Variants in PIGQ observed in about 807,000 individuals in gnomAD.
PIGQ encodes phosphatidylinositol glycan anchor biosynthesis class Q, also known as phosphatidylinositol N-acetylglucosaminyltransferase subunit Q.
In PIGQ, 54 loss-of-function variants were observed where a neutral mutation model predicts 60.3. That is an observed-to-expected ratio of 0.90 (90% confidence interval 0.72 to 1.12). PIGQ has a LOEUF of 1.12. Ranked by LOEUF, PIGQ falls within the 50% of genes most tolerant of loss-of-function variation. The pLI is 0.00. For synonymous variants in PIGQ, 416 were observed against 363.7 expected (o/e 1.14, Z -1.64); for missense variants, 799 against 793.5 (o/e 1.01, Z -0.08).
Position 577,564 on chromosome 16 carries a change from A to G in PIGQ, c.943-815A>G, listed in dbSNP as rs561401343. 3.0e-3 allele frequency among the ~76,000 whole-genome samples: 455 copies of G among 149,652 alleles called. 3 individuals are homozygous for G. Among genetic ancestry groups the G allele is most frequent in the African/African-American group, 9.8e-3 (398 of 40,570 alleles). On this transcript the variant is annotated intron_variant, in intron 4 of 10. Transcript: ENST00000321878. Reference sequence around the variant, plus strand: ...TGCACTCCAGCCTGGGCGACAAAACAAGACTCCGTCTCAGAAAAAAAAAAA... The same window carrying G: ...TGCACTCCAGCCTGGGCGACAAAACGAGACTCCGTCTCAGAAAAAAAAAAA...
intron 4 of PIGQ, among the ~76,000 whole-genome samples, chr16:577,717 G>A (rs1298163076): frequency 6.6e-6 from 1 of 152,240 alleles, no homozygotes; most frequent in Non-Finnish European, 1.5e-5. Context: ...TTAGTGGGGA[G>A]GCTGAGGCTC....
intron 4 of PIGQ, chr16:577,270 CTATT>C (rs775285959): frequency 6.6e-6 from 1 of 152,210 alleles, no homozygotes; most frequent in Non-Finnish European, 1.5e-5. Flanking sequence ...TAAATAAGCT[CTATT>C]TATAAAGAAT....
chr16:572,529 C>T, intron 1 of PIGQ: 1 of 456,140 alleles, frequency 2.2e-6, no homozygotes, highest in Non-Finnish European at 4.4e-6. Flanking sequence ...GTCACACCAC[C>T]CCGACGTGTG....
Position 576,199 on chromosome 16 carries a change from T to G in PIGQ, c.887T>G (p.Leu296Arg), listed in dbSNP as rs1250598989. Residue 296 changes from leucine (L) to arginine (R), a missense_variant, in exon 4 of 11, where the codon CTC (leucine) becomes CGC (arginine). Physicochemically the swap from Leu to Arg is moderately radical, Grantham distance 102 (BLOSUM62 -2). Transcript: ENST00000321878. ...CTGGGCCTCATGCTGCTGTCCTGGCTCCACGGGAGAAGCCGCATCGGGCAT... is the reference window on the plus strand; with the variant it reads ...CTGGGCCTCATGCTGCTGTCCTGGCGCCACGGGAGAAGCCGCATCGGGCAT... ...VALGLMLLSWLHGRSRIGHLA... is the reference protein window; with the variant it reads ...VALGLMLLSWRHGRSRIGHLA... 2 of 1,550,274 alleles carry G rather than the reference T, an allele frequency of 1.3e-6. No individual in the cohort carries two copies. The highest frequency in any genetic ancestry group is 1.7e-6 in the Non-Finnish European group (2 of 1,147,106).
At chr16:573,016 T>C (rs1428582956) in intron 1 of PIGQ, among the ~76,000 whole-genome samples, 1 of 152,202 alleles carries the variant, frequency 6.6e-6, no homozygotes, top group Non-Finnish European at 1.5e-5. Flanking sequence ...AGCCGGCCAG[T>C]AGTGCCCCCA....
chr16:578,894 C>A lies in PIGQ; in HGVS notation c.1179C>A (p.Ala393=). ...TGTCCCTCCTCTCGGACATTATCGCCCTCCTCACCTTCCACATCTACTGCT... is the reference window on the plus strand; with the variant it reads ...TGTCCCTCCTCTCGGACATTATCGCACTCCTCACCTTCCACATCTACTGCT... The part of the protein sequence containing the change: ...VALSLLSDII[A]LLTFHIYCFY... The change falls in exon 6 of 11, where the codon GCC becomes GCA. Residue 393 remains alanine (A), a synonymous_variant. Coordinates refer to ENST00000321878, the MANE Select transcript of PIGQ (RefSeq NM_004204.5). 3 of 1,613,634 alleles carry A rather than the reference C, an allele frequency of 1.9e-6. No homozygotes were observed. The highest frequency in any genetic ancestry group is 2.5e-6 in the Non-Finnish European group (3 of 1,179,966).
rs59476302 is a variant in PIGQ, at chr16:579,006, C to T, written c.1224-63C>T. 706,280 of 1,329,268 alleles carry T rather than the reference C, an allele frequency of 0.53. 163,711 individuals carry two copies. The highest frequency in any genetic ancestry group is 0.73 in the East Asian group (29,118 of 39,784). 82.3% of individuals were successfully genotyped at this position (1,329,268 alleles called of 1,614,324 possible). A position where few individuals can be genotyped will look rare whatever the true frequency, so the allele number is the denominator to read the frequency against. On this transcript the variant is annotated intron_variant, in intron 6 of 10. Transcript: ENST00000321878. ...CAGAGGCTCCGGCTGGGCGGGCGTT[C>T]GAGTGGGGCGGGGGCGGGGCGGGGC...
In PIGQ at chr16:578,945, G is replaced by C. The variant is rs202222590; in HGVS notation, c.1223+7G>C. 6.2e-7 allele frequency: 1 copy of C among 1,608,512 alleles called. No individual in the cohort carries two copies. ...TTTACGTCTATGGAGCCAGGTGGGCGTGGGCTTCCCCCTCCCCACCGCCCC... is the reference window on the plus strand; with the variant it reads ...TTTACGTCTATGGAGCCAGGTGGGCCTGGGCTTCCCCCTCCCCACCGCCCC... On this transcript the variant is annotated splice_region_variant and intron_variant, in intron 6 of 10. Coordinates refer to ENST00000321878, the MANE Select transcript of PIGQ (RefSeq NM_004204.5).
At chr16:581,312 A>G in intron 9 of PIGQ, 5 of 1,277,438 alleles carry the variant, frequency 3.9e-6, no homozygotes, top group Non-Finnish European at 5.1e-6. Flanking sequence ...AGTCAGAGGC[A>G]CTAGGAGCCA....
At chr16:581,056 G>A in intron 9 of PIGQ, 84 bp downstream of exon 9, 1 of 1,315,576 alleles carries the variant, frequency 7.6e-7, no homozygotes, top group South Asian at 1.2e-5. Context: ...AGGACAGCAT[G>A]GGCCACTGTG....
chr16:578,682 C>T, intron 5 of PIGQ, 103 bp from the exon 6 acceptor site: 16 of 1,480,688 alleles, frequency 1.1e-5, no homozygotes, highest in Non-Finnish European at 1.5e-5. Flanking sequence ...GCTGACCCCA[C>T]CCTGCCAGGC....
In PIGQ at chr16:582,127, G is replaced by C. The variant is rs767326056; in HGVS notation, c.1532-121G>C. 9.2e-6 allele frequency: 7 copies of C among 758,084 alleles called. No individual in the cohort carries two copies. In the South Asian group the frequency reaches 1.0e-4, roughly 11 times the overall value. 47.0% of individuals were successfully genotyped at this position (758,084 alleles called of 1,614,324 possible). A position where few individuals can be genotyped will look rare whatever the true frequency, so the allele number is the denominator to read the frequency against. The stretch of plus-strand genomic sequence containing the variant: ...CGACGGAGGGGGCGGGGAGAGCTTC[G>C]TGGGTGGCCACGGCCAGCAGCACCC... On this transcript the variant is annotated intron_variant, in intron 9 of 10. Transcript: ENST00000321878.
At chr16:581,579 C>T in intron 9 of PIGQ, among the ~76,000 whole-genome samples, 2 of 151,898 alleles carry the variant, frequency 1.3e-5, no homozygotes. Flanking sequence ...TCTCCTGCCT[C>T]AGCCTCCCGA....
At position 574,158 on chromosome 16, in the gene PIGQ, C is replaced by T. The variant is rs758738943; in HGVS notation, c.84C>T (p.Ser28=). Residue 28 remains serine (S), a synonymous_variant, in exon 2 of 11, where the codon AGC becomes AGT. Transcript: ENST00000321878. The part of the protein sequence containing the change: ...LLVGRWVPEQ[S]SAVVLAVLHF... Reference sequence around the variant, plus strand: ...TGGGACGGTGGGTGCCGGAGCAGAGCAGCGCCGTGGTCCTGGCGGTCCTGC... The same window carrying T: ...TGGGACGGTGGGTGCCGGAGCAGAGTAGCGCCGTGGTCCTGGCGGTCCTGC... The T allele has an allele frequency of 4.3e-6, 7 of 1,612,582 alleles. No individual in the cohort carries two copies. The highest frequency in any genetic ancestry group is 5.1e-6 in the Non-Finnish European group (6 of 1,179,780).
chr16:573,097 G>A lies in PIGQ; in HGVS notation c.-9-969G>A, dbSNP rs568611200. On this transcript the variant is annotated intron_variant, in intron 1 of 10. Coordinates refer to ENST00000321878, the MANE Select transcript of PIGQ (RefSeq NM_004204.5). ...ATCAGTGGAGAAGGAGCCCCAGCTG[G>A]CTGCATGGCTCCGCAGGGGCCTGTG... Among the ~76,000 whole-genome samples the A allele has an allele frequency of 5.9e-5, 9 of 152,324 alleles. No individual in the cohort carries two copies. The East Asian group carries it at 9.7e-4, about 16-fold the overall frequency.
In PIGQ at chr16:574,756, G is replaced by C. The variant is rs768970883; in HGVS notation, c.682G>C (p.Ala228Pro). ...SLLSLVSAVS[A>P]CRVFKLWPLS... ...GCTGTCGCTGGTCTCAGCTGTCAGT[G>C]CCTGCCGGTAGGTGTCCCGGGACAG... The change falls in exon 2 of 11, where the codon GCC (alanine) becomes CCC (proline). Residue 228 changes from alanine (A) to proline (P), a missense_variant. Coordinates refer to ENST00000321878, the MANE Select transcript of PIGQ (RefSeq NM_004204.5). 2.5e-5 allele frequency: 39 copies of C among 1,568,388 alleles called. No homozygotes were observed. The highest frequency in any genetic ancestry group is 3.3e-5 in the Non-Finnish European group (38 of 1,162,046).
chr16:580,824 G>A (rs2035797552), intron 8 of PIGQ, 34 bp from the exon 9 acceptor site: 1 of 974,366 alleles, frequency 1.0e-6, no homozygotes, highest in Non-Finnish European at 1.6e-6. Flanking sequence ...AGGCGCGTCT[G>A]GCCGGGCCGG....
At chr16:579,435 T>C (rs2035777200) in intron 7 of PIGQ, 1 of 369,866 alleles carries the variant, frequency 2.7e-6, no homozygotes, top group Non-Finnish European at 4.7e-6. Context: ...GCCCTAGAGG[T>C]GCCCCGGGCC....
At chr16:571,316 TGGCAACCATGGCTAGCCTGGTGCCC>T in intron 1 of PIGQ, among the ~76,000 whole-genome samples, 3 of 83,972 alleles carry the variant, frequency 3.6e-5, no homozygotes, top group African/African-American at 5.2e-5. Flanking sequence ...CTGGCTAGCC[TGGCAACCATGGCTAGCCTGGTGCCC>T]GTGTGTGTGT....
Sources: gnomAD v4.1 joint callset for allele counts (sites outside exome capture counted in the v4.1 genomes callset) on GRCh38, gnomAD v4.1.1 for gene constraint, MANE v1.5 for transcripts, NCBI Gene and HGNC (gene_info 2026-07-23, HGNC 2026-07-21) for gene names.